The following KCNQ5 variants were observed in gnomAD, a reference collection of about 807,000 sequenced individuals.
KCNQ5 encodes potassium voltage-gated channel subfamily KQT member 5.
Under a neutral mutation model 98.2 loss-of-function variants are expected in KCNQ5, and 30 were observed. The ratio of observed to expected loss-of-function variants is 0.31; its 90% confidence interval spans 0.23 to 0.41. The LOEUF (loss-of-function observed/expected upper bound fraction) is 0.41, where lower values mean the gene tolerates loss of function less well. Ranked by LOEUF, KCNQ5 falls within the 10% of genes least tolerant of loss-of-function variation. The probability of loss-of-function intolerance (pLI) is 1.00; values close to 1 mark genes in which losing one functional copy is unlikely to be tolerated. For missense variants in KCNQ5, 835 were observed against 1,182.5 expected (o/e 0.71, Z 4.31); for synonymous variants, 458 against 449.4 (o/e 1.02, Z -0.24).
intron 1 of KCNQ5, among the ~76,000 whole-genome samples, chr6:72,680,580 G>A (rs1272621385): frequency 2.6e-5 from 4 of 152,166 alleles, no homozygotes; most frequent in Non-Finnish European, 5.9e-5. Flanking sequence ...ATGAAATGAA[G>A]ATACCTTCAG....
rs1280582473 is a variant in KCNQ5, at chr6:72,791,302, C to T, written c.398+168715C>T. The stretch of plus-strand genomic sequence containing the variant: ...GCATATCCACACGTGTGTGCATGTG[C>T]GCACTGAATGATGACAAAATGTGAA... On this transcript the variant is annotated intron_variant, in intron 1 of 13. Transcript: ENST00000370398. Among the ~76,000 whole-genome samples the T allele has an allele frequency of 9.2e-5, 14 of 152,090 alleles. No homozygotes were observed. In the South Asian group the frequency reaches 2.5e-3, roughly 27 times the overall value.
chr6:72,920,820 G>A (rs1046870396), intron 1 of KCNQ5, among the ~76,000 whole-genome samples: 1 of 152,184 alleles, frequency 6.6e-6, no homozygotes, highest in African/African-American at 2.4e-5. Context: ...TAACTAGGGA[G>A]TCAAGGGGTT....
intron 1 of KCNQ5, among the ~76,000 whole-genome samples, chr6:72,672,672 C>T (rs978873225): frequency 2.0e-5 from 3 of 152,048 alleles, no homozygotes; most frequent in African/African-American, 4.8e-5. Flanking sequence ...TATCCCCTGC[C>T]GTACCTACCT....
rs200563496 is a variant in KCNQ5, at chr6:72,880,068, TC to T, written c.399-123839del. Among the ~76,000 whole-genome samples, 875 of 152,336 alleles carry T rather than the reference TC, an allele frequency of 5.7e-3. 20 individuals are homozygous for T. In the South Asian group the frequency reaches 0.07, roughly 12 times the overall value. On this transcript the variant is annotated intron_variant, in intron 1 of 13. Coordinates refer to ENST00000370398, the MANE Select transcript of KCNQ5 (RefSeq NM_019842.4). ...CTTTACTCTCCATATGATAATCAAATCACTTTTTCAGTCTGCCCTTTCCCCA... is the reference window on the plus strand; with the variant it reads ...CTTTACTCTCCATATGATAATCAAATACTTTTTCAGTCTGCCCTTTCCCCA...
chr6:73,181,341 C>CCAGTG (rs1182590620), intron 11 of KCNQ5, among the ~76,000 whole-genome samples: 7 of 152,148 alleles, frequency 4.6e-5, no homozygotes, highest in Admixed American at 3.9e-4. Context: ...TGTATTAATC[C>CCAGTG]CAGTGATGCA....
intron 1 of KCNQ5, among the ~76,000 whole-genome samples, chr6:72,647,303 A>T (rs1460518546): frequency 2.0e-5 from 3 of 152,182 alleles, no homozygotes; most frequent in Non-Finnish European, 4.4e-5. Context: ...GTAGAGTTGA[A>T]TTGAAAGAAT....
intron 2 of KCNQ5, among the ~76,000 whole-genome samples, chr6:73,004,981 C>G (rs1391876783): frequency 6.6e-6 from 1 of 152,146 alleles, no homozygotes; most frequent in Non-Finnish European, 1.5e-5. Flanking sequence ...ACTCATATAA[C>G]CTGAGAGAGG....
chr6:72,742,772 C>G (rs1399320522), intron 1 of KCNQ5, among the ~76,000 whole-genome samples: 1 of 152,080 alleles, frequency 6.6e-6, no homozygotes, highest in African/African-American at 2.4e-5. Flanking sequence ...TAGGCCATGC[C>G]CTTGAGTTGA....
At chr6:72,876,154 T>C (rs1370718399) in intron 1 of KCNQ5, among the ~76,000 whole-genome samples, 1 of 152,118 alleles carries the variant, frequency 6.6e-6, no homozygotes, top group Non-Finnish European at 1.5e-5. Flanking sequence ...AGAGTTTTAA[T>C]TATAAAGCCT....
intron 1 of KCNQ5, among the ~76,000 whole-genome samples, chr6:72,798,692 G>A (rs564715387): frequency 3.3e-5 from 5 of 152,242 alleles, no homozygotes; most frequent in Non-Finnish European, 7.4e-5. Flanking sequence ...TTCACTTAGT[G>A]TAATACATAA....
chr6:73,002,895 T>C (rs990380338), intron 1 of KCNQ5, among the ~76,000 whole-genome samples: 6 of 152,126 alleles, frequency 3.9e-5, no homozygotes, highest in Non-Finnish European at 7.3e-5. Flanking sequence ...CAATCAAGTG[T>C]GGTGGTAAGA....
chr6:73,011,513 T>G (rs1242381506), intron 2 of KCNQ5, among the ~76,000 whole-genome samples: 4 of 152,088 alleles, frequency 2.6e-5, no homozygotes, highest in Non-Finnish European at 4.4e-5. Context: ...AACTATAACA[T>G]TGTTAGAAGA....
chr6:72,704,846 C>A (rs539991376), intron 1 of KCNQ5, among the ~76,000 whole-genome samples: 1 of 152,256 alleles, frequency 6.6e-6, no homozygotes, highest in South Asian at 2.1e-4. Context: ...AATGCTATTG[C>A]ATTAAATGTA....
intron 2 of KCNQ5, among the ~76,000 whole-genome samples, chr6:73,005,890 A>G (rs988279423): frequency 1.3e-5 from 2 of 152,224 alleles, no homozygotes; most frequent in African/African-American, 4.8e-5. Context: ...TACATTGTCA[A>G]AGTATATTCT....
At chr6:72,818,783 G>GT (rs1775620726) in intron 1 of KCNQ5, among the ~76,000 whole-genome samples, 1 of 150,670 alleles carries the variant, frequency 6.6e-6, no homozygotes, top group Non-Finnish European at 1.5e-5. Flanking sequence ...AAATTTTTAA[G>GT]TTTTAAAAAC....
chr6:72,796,403 AC>A (rs1774339466), intron 1 of KCNQ5, among the ~76,000 whole-genome samples: 3 of 152,150 alleles, frequency 2.0e-5, no homozygotes, highest in South Asian at 2.1e-4. Flanking sequence ...ACTAGCCAGG[AC>A]CACAGAGAGC....
chr6:73,009,139 G>A (rs529845913), intron 2 of KCNQ5, among the ~76,000 whole-genome samples: 2 of 151,970 alleles, frequency 1.3e-5, no homozygotes, highest in Admixed American at 6.6e-5. Context: ...CTACAGGCAC[G>A]CACCACCACT....
intron 1 of KCNQ5, among the ~76,000 whole-genome samples, chr6:72,955,691 G>A (rs1767008119): frequency 6.6e-6 from 1 of 152,106 alleles, no homozygotes; most frequent in Non-Finnish European, 1.5e-5. Context: ...GAATTATTTT[G>A]CATTTTGTAC....
intron 1 of KCNQ5, among the ~76,000 whole-genome samples, chr6:72,769,322 A>G (rs1772739636): frequency 6.6e-6 from 1 of 152,112 alleles, no homozygotes; most frequent in South Asian, 2.1e-4. Flanking sequence ...GGTAACAGCT[A>G]TGTTTGGATT....
Sources: gnomAD v4.1 joint callset for allele counts (sites outside exome capture counted in the v4.1 genomes callset) on GRCh38, gnomAD v4.1.1 for gene constraint, MANE v1.5 for transcripts, NCBI Gene and HGNC (gene_info 2026-07-23, HGNC 2026-07-21) for gene names.